The following ELFN2 variants were observed in gnomAD, a reference collection of about 807,000 sequenced individuals.
The protein encoded by ELFN2 is extracellular leucine rich repeat and fibronectin type III domain containing 2.
Under a neutral mutation model 45.5 loss-of-function variants are expected in ELFN2, and 17 were observed. The ratio of observed to expected loss-of-function variants is 0.37; its 90% CI spans 0.26 to 0.56. ELFN2 has a LOEUF of 0.56. Among genes scored for constraint, ELFN2 ranks in the 20% least tolerant of loss-of-function variants. ELFN2 has a pLI of 0.77. For missense variants in ELFN2, 922 were observed against 1,183.2 expected (o/e 0.78, Z 3.24); for synonymous variants, 550 against 551.5 (o/e 1.00, Z 0.04).
chr22:37,396,229 C>A (rs1278989408), intron 2 of ELFN2, among the ~76,000 whole-genome samples: 1 of 152,234 alleles, frequency 6.6e-6, no homozygotes, highest in Non-Finnish European at 1.5e-5. Context: ...TCCAATTCCC[C>A]ATCAAAAGCT....
intron 2 of ELFN2, among the ~76,000 whole-genome samples, chr22:37,341,448 C>T (rs914956240): frequency 1.3e-5 from 2 of 151,716 alleles, no homozygotes; most frequent in Non-Finnish European, 2.9e-5. Context: ...TGCTCACCCG[C>T]CTGGGTCTAG....
chr22:37,398,253 A>C (rs5995425), intron 2 of ELFN2, among the ~76,000 whole-genome samples: 12,075 of 152,070 alleles, frequency 0.079, 894 homozygotes, highest in African/African-American at 0.2. Context: ...AAACAACATT[A>C]TTTTTTGACT....
At chr22:37,378,300 G>A (rs943009349) in intron 2 of ELFN2, among the ~76,000 whole-genome samples, 16 of 152,228 alleles carry the variant, frequency 1.1e-4, no homozygotes, top group Admixed American at 9.8e-4. Context: ...GTACATGTGT[G>A]TTCTGTGTGT....
In ELFN2 at chr22:37,374,834, C is replaced by T; in HGVS notation, c.701G>A (p.Ser234Asn). ...YPLLVPRPYH[S>N]LNAITVLQAK... ...CTGGAGTACGGTGATGGCGTTGAGG[C>T]TGTGGTAGGGCCGGGGCACCAGCAG... The change falls in exon 3 of 3, where the codon AGC (serine) becomes AAC (asparagine). Residue 234 changes from serine (S) to asparagine (N), a missense_variant. By Grantham distance (46) the Ser-to-Asn change is conservative (BLOSUM62 1). Transcript: ENST00000402918. The T allele has an allele frequency of 6.2e-6, 10 of 1,607,408 alleles. No individual in the cohort carries two copies. The highest frequency in any genetic ancestry group is 8.5e-6 in the Non-Finnish European group (10 of 1,179,814).
In ELFN2 at chr22:37,374,977, G is replaced by A; in HGVS notation, c.558C>T (p.Pro186=). 6.2e-7 allele frequency: 1 copy of A among 1,613,364 alleles called. No individual in the cohort carries two copies. Among genetic ancestry groups the A allele is most frequent in the Non-Finnish European group, 8.5e-7 (1 of 1,180,006 alleles). ...SLMVCELAGN[P]FNCECDLFGF... ...CGAAGAGGTCGCACTCACAGTTGAAGGGGTTGCCGGCCAGCTCACACACCA... is the reference window on the plus strand; with the variant it reads ...CGAAGAGGTCGCACTCACAGTTGAAAGGGTTGCCGGCCAGCTCACACACCA... The change falls in exon 3 of 3, where the codon CCC becomes CCT. Residue 186 remains proline, a synonymous_variant. Coordinates refer to ENST00000402918, the MANE Select transcript of ELFN2 (RefSeq NM_052906.5).
chr22:37,360,563 AC>A (rs1199425953), intron 1 of ELFN2, among the ~76,000 whole-genome samples: 1 of 151,988 alleles, frequency 6.6e-6, no homozygotes, highest in Non-Finnish European at 1.5e-5. Context: ...ACCCCACGCC[AC>A]CCCTGCTTAG....
chr22:37,364,236 T>C (rs186538511), downstream of ELFN2, among the ~76,000 whole-genome samples: 76 of 151,780 alleles, frequency 5.0e-4, no homozygotes, highest in Middle Eastern at 0.01. Flanking sequence ...ACAACACCAA[T>C]AGGATGGAAG....
downstream of ELFN2, among the ~76,000 whole-genome samples, chr22:37,366,760 T>A (rs1022930460): frequency 2.0e-5 from 3 of 152,192 alleles, no homozygotes; most frequent in Non-Finnish European, 4.4e-5. Flanking sequence ...GAAGGAGGCC[T>A]GGGACTGGCA....
intron 2 of ELFN2, chr22:37,384,953 A>C (rs2145650717): frequency 6.6e-6 from 1 of 152,010 alleles, no homozygotes; most frequent in Non-Finnish European, 1.5e-5. Context: ...TGGAGCACCT[A>C]CTATGTACCA....
chr22:37,379,051 G>A (rs930105597), intron 2 of ELFN2, among the ~76,000 whole-genome samples: 56 of 152,214 alleles, frequency 3.7e-4, no homozygotes, highest in Non-Finnish European at 6.5e-4. Flanking sequence ...GGTGAGAGAC[G>A]GGAAGAAGGG....
At chr22:37,366,797 G>A (rs1311669778), downstream of ELFN2, among the ~76,000 whole-genome samples, 2 of 152,256 alleles carry the variant, frequency 1.3e-5, no homozygotes, top group African/African-American at 4.8e-5. Flanking sequence ...AGGGACCCTG[G>A]CTGGCTGTGG....
intron 2 of ELFN2, among the ~76,000 whole-genome samples, chr22:37,412,704 A>G (rs559810545): frequency 7.2e-4 from 109 of 152,302 alleles, no homozygotes; most frequent in Admixed American, 2.9e-3. Context: ...GCACCGGGAC[A>G]ACCACGCACA....
chr22:37,379,667 G>A (rs529883885), intron 2 of ELFN2, among the ~76,000 whole-genome samples: 1 of 152,314 alleles, frequency 6.6e-6, no homozygotes, highest in East Asian at 1.9e-4. Flanking sequence ...GACATTCATG[G>A]GCAGAGAGGA....
chr22:37,410,373 G>A (rs1932617391), intron 2 of ELFN2, among the ~76,000 whole-genome samples: 1 of 152,204 alleles, frequency 6.6e-6, no homozygotes, highest in East Asian at 1.9e-4. Flanking sequence ...ACTCACTGCG[G>A]TGTGGCCCCG....
At chr22:37,343,079 C>T (rs1930600471) in intron 1 of ELFN2, among the ~76,000 whole-genome samples, 1 of 152,138 alleles carries the variant, frequency 6.6e-6, no homozygotes, top group African/African-American at 2.4e-5. Flanking sequence ...TCCCAGGCCT[C>T]TTCAATTTCA....
intron 2 of ELFN2, among the ~76,000 whole-genome samples, chr22:37,410,068 C>T (rs865790121): frequency 3.3e-5 from 5 of 152,142 alleles, no homozygotes; most frequent in Admixed American, 2.0e-4. Flanking sequence ...ACAAAGATCA[C>T]GAGGGCACAC....
At chr22:37,379,753 G>A (rs1049427074) in intron 2 of ELFN2, among the ~76,000 whole-genome samples, 1 of 152,146 alleles carries the variant, frequency 6.6e-6, no homozygotes, top group African/African-American at 2.4e-5. Context: ...TCAGAGCTGG[G>A]CAGGACCACA....
chr22:37,375,845 TC>T lies in ELFN2; in HGVS notation c.-312del, dbSNP rs1165188087. 9.7e-6 allele frequency: 4 copies of T among 410,486 alleles called. No individual in the cohort carries two copies. The highest frequency in any genetic ancestry group is 8.8e-5 in the African/African-American group (4 of 45,212). The allele number at this position is 410,486 out of a possible 1,614,324, so 25.4% of individuals were successfully genotyped here. On this transcript the variant is annotated 5_prime_UTR_variant, in exon 3 of 3. Transcript: ENST00000402918. ...GGGCTTGACTTCCTCTCCCTCCTCC[TC>T]CTCCTCCTCCTCCTCCTCCTCCTCG...
Position 37,375,740 on chromosome 22 carries a change from C to T in ELFN2, c.-206G>A, listed in dbSNP as rs1219864769. 6 of 636,956 alleles carry T rather than the reference C, an allele frequency of 9.4e-6. No individual in the cohort carries two copies. The highest frequency in any genetic ancestry group is 7.7e-5 in the African/African-American group (4 of 52,070). The allele number at this position is 636,956 out of a possible 1,614,324, so 39.5% of individuals were successfully genotyped here. A position where few individuals can be genotyped will look rare whatever the true frequency, so the allele number is the denominator to read the frequency against. ...CAGCAGGCACTAGGCCTGGCTAGGG[C>T]TGGGGGTGGGGGCCCCACAGCCTGC... On this transcript the variant is annotated 5_prime_UTR_variant, in exon 3 of 3. Coordinates refer to ENST00000402918, the MANE Select transcript of ELFN2 (RefSeq NM_052906.5).
Sources: allele counts gnomAD v4.1 joint callset (sites outside exome capture counted in the v4.1 genomes callset), GRCh38; gene constraint gnomAD v4.1.1; transcripts MANE v1.5; gene names NCBI Gene and HGNC (gene_info 2026-07-23, HGNC 2026-07-21).